CCDC88C: variants seen among roughly 807,000 people sequenced by gnomAD.
CCDC88C encodes the protein protein Daple.
Under a neutral mutation model 198.8 loss-of-function variants are expected in CCDC88C, and 131 were observed. The observed-to-expected ratio is 0.66, with a 90% CI of 0.57 to 0.76. The LOEUF (loss-of-function observed/expected upper bound fraction) is 0.76, where lower values mean the gene tolerates loss of function less well. CCDC88C is among the 30% of genes least tolerant of loss of function. The probability of loss-of-function intolerance (pLI) is 0.00; values close to 1 mark genes in which losing one functional copy is unlikely to be tolerated. For missense variants in CCDC88C, 2,553 were observed against 2,631.6 expected, an observed-to-expected ratio of 0.97 and a Z score of 0.65; for synonymous variants, 1,166 against 1,114.7, an observed-to-expected ratio of 1.05 and a Z score of -0.92.
At chr14:91,340,553 C>T (rs1018579857) in intron 6 of CCDC88C, among the ~76,000 whole-genome samples, 3 of 152,144 alleles carry the variant, frequency 2.0e-5, no homozygotes, top group Non-Finnish European at 4.4e-5. Flanking sequence ...CTTTGTGCCC[C>T]TTTCACTGGC....
intron 27 of CCDC88C, chr14:91,281,225 G>C (rs10129331): frequency 1.8e-6 from 2 of 1,102,522 alleles, no homozygotes; most frequent in African/African-American, 1.6e-5. Flanking sequence ...AGGAGAGGTC[G>C]GTGCTTCCAG....
Position 91,342,940 on chromosome 14 carries a change from T to C in CCDC88C, c.400-477A>G, listed in dbSNP as rs144807694. Among the ~76,000 whole-genome samples the C allele has an allele frequency of 3.1e-3, 474 of 152,234 alleles. 6 individuals are homozygous for C. The highest frequency in any genetic ancestry group is 0.011 in the African/African-American group (449 of 41,538). ...ACCAGCCACAGACAATATGTAAAGGTGGGCATGAGGCTGTGTTCCAATAAA... is the reference window on the plus strand; with the variant it reads ...ACCAGCCACAGACAATATGTAAAGGCGGGCATGAGGCTGTGTTCCAATAAA... On this transcript the variant is annotated intron_variant, in intron 5 of 29. Coordinates refer to ENST00000389857, the MANE Select transcript of CCDC88C (RefSeq NM_001080414.4).
chr14:91,314,392 A>G (rs1383424310), intron 14 of CCDC88C, among the ~76,000 whole-genome samples: 6 of 152,084 alleles, frequency 3.9e-5, no homozygotes, highest in Admixed American at 2.0e-4. Flanking sequence ...ATGTAAATAC[A>G]TCTCTCTCCC....
intron 3 of CCDC88C, chr14:91,384,405 G>T: frequency 2.0e-6 from 1 of 511,802 alleles, no homozygotes; most frequent in Non-Finnish European, 3.9e-6. Flanking sequence ...GAAGCGGAAG[G>T]TAGACCATCC....
chr14:91,315,903 G>T, intron 13 of CCDC88C, 116 bp from the exon 14 acceptor site: 1 of 1,054,358 alleles, frequency 9.5e-7, no homozygotes, highest in Non-Finnish European at 1.4e-6. Flanking sequence ...TTTCTCAAGG[G>T]AAGACCTCCT....
intron 23 of CCDC88C, among the ~76,000 whole-genome samples, chr14:91,292,300 A>G (rs1890693957): frequency 6.6e-6 from 1 of 152,150 alleles, no homozygotes; most frequent in Admixed American, 6.5e-5. Flanking sequence ...CAGGGCCCGG[A>G]GCAGGCCCCA....
intron 3 of CCDC88C, among the ~76,000 whole-genome samples, chr14:91,406,581 G>T (rs1886496480): frequency 2.0e-5 from 3 of 152,222 alleles, no homozygotes; most frequent in Non-Finnish European, 4.4e-5. Context: ...GCTGGGTTAG[G>T]GGGTCTTGCC....
At chr14:91,336,192 A>G (rs756718193) in intron 10 of CCDC88C, among the ~76,000 whole-genome samples, 33 of 152,320 alleles carry the variant, frequency 2.2e-4, no homozygotes, top group Non-Finnish European at 3.5e-4. Flanking sequence ...AACCTCTCTA[A>G]AACTCCAAGA....
chr14:91,411,293 C>T (rs1886774564), intron 2 of CCDC88C, among the ~76,000 whole-genome samples: 1 of 152,176 alleles, frequency 6.6e-6, no homozygotes, highest in Admixed American at 6.5e-5. Flanking sequence ...GCCCAGGTCC[C>T]AAGCCCAGCC....
rs1311782610 is a variant in CCDC88C at position 91,308,275 on chromosome 14, C to T, written c.3006+76G>A. The T allele has an allele frequency of 1.9e-6, 3 of 1,562,846 alleles. No individual in the cohort carries two copies. In the Admixed American group the frequency reaches 5.4e-5, roughly 28 times the overall value. The stretch of plus-strand genomic sequence containing the variant: ...AATGGGTATCCAGGCCACCCCACTG[C>T]TATACAGGTGAGGGGCTGGAAAGGG... On this transcript the variant is annotated intron_variant, in intron 17 of 29. Coordinates refer to ENST00000389857, the MANE Select transcript of CCDC88C (RefSeq NM_001080414.4).
chr14:91,320,024 CAAAAAAAAAAAAA>C (rs61102058), intron 13 of CCDC88C, among the ~76,000 whole-genome samples: 8 of 24,156 alleles, frequency 3.3e-4, no homozygotes, highest in Non-Finnish European at 7.6e-4. Flanking sequence ...AACTCAGTCT[CAAAAAAAAAAAAA>C]AAAAAAAAAA....
At chr14:91,408,580 G>A (rs770801072) in intron 3 of CCDC88C, 79 bp downstream of exon 3, 40 of 895,328 alleles carry the variant, frequency 4.5e-5, no homozygotes, top group Admixed American at 9.6e-5. Flanking sequence ...GTTTCCTCCC[G>A]GCCTCCTGTG....
At chr14:91,342,608 C>T (rs1596091123) in intron 5 of CCDC88C, 145 bp from the exon 6 acceptor site, 1 of 665,852 alleles carries the variant, frequency 1.5e-6, no homozygotes. Context: ...GTCCTCCTAC[C>T]AGCCTTACAC....
At chr14:91,327,184 G>C (rs970838078) in intron 10 of CCDC88C, among the ~76,000 whole-genome samples, 4 of 152,178 alleles carry the variant, frequency 2.6e-5, no homozygotes, top group African/African-American at 9.7e-5. Context: ...GCTGTCTGAG[G>C]TTTGTCCCAC....
chr14:91,336,796 T>G (rs1020601228), intron 10 of CCDC88C, among the ~76,000 whole-genome samples: 4 of 152,100 alleles, frequency 2.6e-5, no homozygotes, highest in African/African-American at 4.8e-5. Flanking sequence ...CCAACCCACC[T>G]CACCCAGTCC....
chr14:91,272,961 A>C lies in CCDC88C; in HGVS notation c.5751T>G (p.Ala1917=). 1 of 1,558,330 alleles carries C rather than the reference A, an allele frequency of 6.4e-7. No homozygotes were observed. The highest frequency in any genetic ancestry group is 8.6e-7 in the Non-Finnish European group (1 of 1,157,254). ...GCTGGGAGTTGCTGCCACTGCCAGC[A>C]GCAGCAGCACCAGCACCTGCAGTGG... The part of the protein sequence containing the change: ...AIATAGAGAA[A]AGSGSNSQLL... Residue 1917 remains alanine, a synonymous_variant, in exon 30 of 30, where the codon GCT becomes GCG. Coordinates refer to ENST00000389857, the MANE Select transcript of CCDC88C (RefSeq NM_001080414.4).
chr14:91,396,348 G>A (rs1329908411), intron 3 of CCDC88C, among the ~76,000 whole-genome samples: 4 of 152,108 alleles, frequency 2.6e-5, no homozygotes, highest in Admixed American at 2.6e-4. Flanking sequence ...TTAACGACTT[G>A]AGAAATCCAT....
chr14:91,307,123 C>T lies in CCDC88C; in HGVS notation c.3110G>A (p.Gly1037Glu), dbSNP rs867489261. 1 of 1,613,992 alleles carries T rather than the reference C, an allele frequency of 6.2e-7. No individual in the cohort carries two copies. The highest frequency in any genetic ancestry group is 2.2e-5 in the East Asian group (1 of 44,888). Residue 1037 changes from glycine to glutamate, a missense_variant, in exon 18 of 30, where the codon GGG (glycine) becomes GAG (glutamate). Gly to Glu is a moderately conservative substitution (Grantham distance 98, BLOSUM62 -2). This residue lies in a region of CCDC88C where 1,260 missense variants were observed against 1,412.0 expected (regional missense o/e 0.89). Transcript: ENST00000389857. ...PAGKTAASHQ[G>E]KEAWGPGHKE... ...ATGGCCGGGCCCCCAGGCCTCCTTC[C>T]CCTGGTGACTGGCGGCTGTCTTCCC...
chr14:91,392,344 G>A (rs1222688608), intron 3 of CCDC88C, among the ~76,000 whole-genome samples: 2 of 152,134 alleles, frequency 1.3e-5, no homozygotes, highest in Admixed American at 1.3e-4. Flanking sequence ...AAACCTAGAG[G>A]TGGGAGTCGG....
Sources: allele counts gnomAD v4.1 joint callset (sites outside exome capture counted in the v4.1 genomes callset), GRCh38; gene constraint gnomAD v4.1.1; regional missense constraint gnomAD v4.1.1; transcripts MANE v1.5; gene names NCBI Gene and HGNC (gene_info 2026-07-23, HGNC 2026-07-21).